Variants in CFAP61 observed in about 807,000 individuals in gnomAD.
CFAP61 encodes cilia- and flagella-associated protein 61.
A neutral mutation model predicts 135.6 loss-of-function variants in CFAP61; 107 were observed. That is an observed-to-expected ratio of 0.79 (90% confidence interval 0.67 to 0.93). The LOEUF (loss-of-function observed/expected upper bound fraction) is 0.93. CFAP61 is among the 40% of genes least tolerant of loss of function. CFAP61 has a pLI of 0.00. For synonymous variants in CFAP61, 575 were observed against 578.5 expected (o/e 0.99, Z 0.09); for missense variants, 1,507 against 1,556.2 (o/e 0.97, Z 0.53).
intron 17 of CFAP61, chr20:20,200,950 C>T (rs1002961064): frequency 5.7e-5 from 56 of 985,242 alleles, no homozygotes; most frequent in Non-Finnish European, 6.6e-5. Context: ...AGCTTTGTGT[C>T]TTACATTCAT....
rs1205215569 is a variant in CFAP61, at chr20:20,300,612, T to TG, written c.3422+2226_3422+2227insG. 5.3e-4 allele frequency among the ~76,000 whole-genome samples: 81 copies of TG among 151,532 alleles called. 2 individuals carry two copies. Among genetic ancestry groups the TG allele is most frequent in the Admixed American group, 2.0e-4 (3 of 15,216 alleles). On this transcript the variant is annotated intron_variant, in intron 25 of 26. Transcript: ENST00000245957. Reference sequence around the variant, plus strand: ...GGGGTTCTTTTGTTTTTTTTGTTTTTTTTTTTTTTTGAGATGGAGTCTCAC... The same window carrying TG: ...GGGGTTCTTTTGTTTTTTTTGTTTTTGTTTTTTTTTTGAGATGGAGTCTCAC...
At chr20:20,182,897 A>G (rs1036638897) in intron 13 of CFAP61, among the ~76,000 whole-genome samples, 14 of 152,250 alleles carry the variant, frequency 9.2e-5, no homozygotes, top group Admixed American at 2.0e-4. Context: ...ACAAGTGCAT[A>G]GTGACACATG....
intron 8 of CFAP61, among the ~76,000 whole-genome samples, chr20:20,122,704 C>T (rs201213657): frequency 7.2e-5 from 11 of 152,122 alleles, no homozygotes; most frequent in Admixed American, 6.5e-5. Flanking sequence ...TTTGCAATTG[C>T]GAATTGTGCT....
intron 8 of CFAP61, among the ~76,000 whole-genome samples, chr20:20,131,879 C>T (rs896261443): frequency 2.6e-5 from 4 of 151,778 alleles, no homozygotes; most frequent in South Asian, 2.1e-4. Flanking sequence ...CTTTGACTTA[C>T]GAGTTATTTA....
chr20:20,170,150 A>G (rs2054120892), intron 13 of CFAP61, among the ~76,000 whole-genome samples: 1 of 152,198 alleles, frequency 6.6e-6, no homozygotes, highest in Non-Finnish European at 1.5e-5. Flanking sequence ...TGGCCCAGCC[A>G]GAGGAAGCTT....
intron 25 of CFAP61, among the ~76,000 whole-genome samples, chr20:20,334,448 C>T (rs953019657): frequency 1.3e-5 from 2 of 152,166 alleles, no homozygotes; most frequent in African/African-American, 4.8e-5. Flanking sequence ...CTCTGAATTC[C>T]CAGGTAAACC....
chr20:20,093,736 C>G (rs1345128134), intron 7 of CFAP61, among the ~76,000 whole-genome samples: 2 of 152,028 alleles, frequency 1.3e-5, no homozygotes, highest in Non-Finnish European at 2.9e-5. Flanking sequence ...GAATTGTGTA[C>G]TTCTTGAAGG....
intron 8 of CFAP61, among the ~76,000 whole-genome samples, chr20:20,105,354 A>G (rs6081877): frequency 0.47 from 71,550 of 151,846 alleles, 17,036 homozygotes; most frequent in South Asian, 0.55. Flanking sequence ...GGGGCCCATT[A>G]TAGCTCTCAC....
At chr20:20,115,892 A>G (rs2049106523) in intron 8 of CFAP61, among the ~76,000 whole-genome samples, 1 of 152,220 alleles carries the variant, frequency 6.6e-6, no homozygotes, top group African/African-American at 2.4e-5. Context: ...ATAGTGCTGC[A>G]ATAAACATGG....
intron 26 of CFAP61, among the ~76,000 whole-genome samples, chr20:20,356,605 C>T (rs71331876): frequency 2.0e-5 from 1 of 49,806 alleles, no homozygotes. Flanking sequence ...GAGGTGGTCA[C>T]ACTGTGAGGG....
chr20:20,228,116 G>A (rs1032023835), intron 17 of CFAP61, 133 bp from the exon 18 acceptor site: 1 of 635,168 alleles, frequency 1.6e-6, no homozygotes, highest in African/African-American at 1.8e-5. Flanking sequence ...TATGGTGGCT[G>A]TACATGGGCA....
intron 13 of CFAP61, among the ~76,000 whole-genome samples, chr20:20,176,310 C>T (rs1393956476): frequency 6.6e-6 from 1 of 152,140 alleles, no homozygotes; most frequent in East Asian, 1.9e-4. Context: ...CCTCAAAAAC[C>T]TAGAACCAGA....
rs1569258322 is a variant in CFAP61, at chr20:20,296,015, T to TTCC, written c.3217-2165_3217-2164insCCT. ...CCTCCTTCCTTCCTTCCTTCCCTCC[T>TTCC]TTCCTTCCTTCTTTCTTTTCTTCCT... is the stretch of plus-strand genomic sequence containing the variant. On this transcript the variant is annotated intron_variant, in intron 24 of 26. Transcript: ENST00000245957. Among the ~76,000 whole-genome samples the TTCC allele has an allele frequency of 2.5e-3, 86 of 34,940 alleles. 1 individual carries two copies. The highest frequency in any genetic ancestry group is 3.0e-3 in the East Asian group (5 of 1,674). The allele number at this position is 34,940 out of a possible 152,430, so 22.9% of individuals were successfully genotyped here. A position where few individuals can be genotyped will look rare whatever the true frequency, so the allele number is the denominator to read the frequency against.
At chr20:20,067,399 C>T (rs148923765) in intron 2 of CFAP61, among the ~76,000 whole-genome samples, 167 of 151,884 alleles carry the variant, frequency 1.1e-3, no homozygotes, top group African/African-American at 3.9e-3. Flanking sequence ...AGCGAGACTC[C>T]GTCTCAAAAA....
In CFAP61 at chr20:20,202,350, A is replaced by T. The variant is rs1208035005; in HGVS notation, c.1932+2448A>T. On this transcript the variant is annotated intron_variant, in intron 17 of 26. Coordinates refer to ENST00000245957, the MANE Select transcript of CFAP61 (RefSeq NM_015585.4). ...TTCTGACTGTTTAAGAAGCACTTTT[A>T]TTGCTACTCATTGTACTCAAGCTTC... Among the ~76,000 whole-genome samples, 6 of 152,204 alleles carry T rather than the reference A, an allele frequency of 3.9e-5. 1 individual carries two copies. Among genetic ancestry groups the T allele is most frequent in the African/African-American group, 1.4e-4 (6 of 41,448 alleles).
intron 18 of CFAP61, among the ~76,000 whole-genome samples, chr20:20,240,921 A>T (rs1399691945): frequency 2.0e-5 from 3 of 152,088 alleles, no homozygotes; most frequent in Non-Finnish European, 4.4e-5. Context: ...TCCAGGAGCT[A>T]CCTTGAACCT....
intron 17 of CFAP61, 38 bp downstream of exon 17, chr20:20,199,940 A>G (rs957584670): frequency 1.2e-6 from 2 of 1,608,462 alleles, no homozygotes; most frequent in Admixed American, 1.7e-5. Flanking sequence ...GCGCGGTGCC[A>G]GCTCCCGCGG....
intron 26 of CFAP61, among the ~76,000 whole-genome samples, chr20:20,351,353 G>T (rs2122437312): frequency 6.6e-6 from 1 of 152,238 alleles, no homozygotes; most frequent in East Asian, 1.9e-4. Context: ...GGCCAAGGCG[G>T]GCAGATCACC....
intron 8 of CFAP61, among the ~76,000 whole-genome samples, chr20:20,123,991 T>TTC (rs1286710287): frequency 1.3e-5 from 2 of 148,622 alleles, no homozygotes; most frequent in African/African-American, 5.0e-5. Context: ...TTTTTTTTTT[T>TTC]TTGCATGCTA....
Sources: gnomAD v4.1 joint callset for allele counts (sites outside exome capture counted in the v4.1 genomes callset) on GRCh38, gnomAD v4.1.1 for gene constraint, MANE v1.5 for transcripts, NCBI Gene and HGNC (gene_info 2026-07-23, HGNC 2026-07-21) for gene names.